Variants in SPAG17 observed in about 807,000 individuals in gnomAD.
SPAG17 encodes sperm associated antigen 17.
SPAG17 carries 169 observed loss-of-function variants against 273.6 expected under a neutral mutation model. That is an observed-to-expected ratio of 0.62 (90% CI 0.55 to 0.70). The LOEUF is 0.70. Among genes scored for constraint, SPAG17 ranks in the 30% least tolerant of loss-of-function variants. SPAG17 has a pLI of 0.00. For synonymous variants in SPAG17, 825 were observed against 873.2 expected, an observed-to-expected ratio of 0.94 and a Z score of 0.97; for missense variants, 2,557 against 2,627.8, an observed-to-expected ratio of 0.97 and a Z score of 0.59.
chr1:118,054,197 C>T, intron 19 of SPAG17, 104 bp from the exon 20 acceptor site: 7 of 673,940 alleles, frequency 1.0e-5, no homozygotes, highest in Non-Finnish European at 1.5e-5. Context: ...TCAAGTTCAA[C>T]TTCTCATTTA....
chr1:117,954,669 G>A (rs2295631), intron 48 of SPAG17: 41,375 of 1,585,658 alleles, frequency 0.026, 2,081 homozygotes, highest in East Asian at 0.25. Flanking sequence ...TTATTAAAAG[G>A]TTACTTACAA....
intron 1 of SPAG17, among the ~76,000 whole-genome samples, chr1:118,177,369 A>G (rs1660743147): frequency 6.6e-6 from 1 of 152,104 alleles, no homozygotes; most frequent in African/African-American, 2.4e-5. Context: ...TTCCCTCACT[A>G]TCACAAGAAC....
intron 3 of SPAG17, among the ~76,000 whole-genome samples, chr1:118,136,807 G>C (rs866100906): frequency 1.7e-4 from 26 of 149,320 alleles, no homozygotes; most frequent in Admixed American, 4.7e-4. Flanking sequence ...GTGTATGTGT[G>C]TGTGTGTGTG....
intron 42 of SPAG17, 64 bp downstream of exon 42, chr1:117,983,747 C>G: frequency 9.3e-7 from 1 of 1,077,862 alleles, no homozygotes; most frequent in African/African-American, 1.5e-5. Context: ...TCCTAAGAGG[C>G]CACTGTTAGG....
intron 18 of SPAG17, among the ~76,000 whole-genome samples, chr1:118,062,184 C>T (rs1392156264): frequency 6.6e-6 from 1 of 151,514 alleles, no homozygotes; most frequent in East Asian, 1.9e-4. Context: ...CGGCTAAAAA[C>T]GGTGAAATCC....
In SPAG17 at chr1:118,028,291, A is replaced by G. The variant is rs746141451; in HGVS notation, c.3713T>C (p.Ile1238Thr). 1.8e-5 allele frequency: 29 copies of G among 1,613,630 alleles called. No individual in the cohort carries two copies. In the South Asian group the frequency reaches 2.0e-4, roughly 11 times the overall value. Reference sequence around the variant, plus strand: ...GCACTTACCTGTAGATTCTTGTCCAATGAAAGTCAACAGGAGCCCACTGGG... The same window carrying G: ...GCACTTACCTGTAGATTCTTGTCCAGTGAAAGTCAACAGGAGCCCACTGGG... Reference protein sequence around the residue: ...SCPSGLLLTFIGQESTGQYVI... With the variant: ...SCPSGLLLTFTGQESTGQYVI... The change falls in exon 26 of 49, where the codon ATT (isoleucine) becomes ACT (threonine). Residue 1238 changes from isoleucine (I) to threonine (T), a missense_variant. Physicochemically the swap from Ile to Thr is moderately conservative, Grantham distance 89 (BLOSUM62 -1). Transcript: ENST00000336338.
chr1:118,123,908 T>C (rs1016166918), intron 3 of SPAG17, among the ~76,000 whole-genome samples: 4 of 152,198 alleles, frequency 2.6e-5, no homozygotes, highest in South Asian at 2.1e-4. Flanking sequence ...TTAACAGACA[T>C]GTATAATTTA....
chr1:117,971,349 C>T (rs1654531173), intron 45 of SPAG17, among the ~76,000 whole-genome samples: 1 of 152,204 alleles, frequency 6.6e-6, no homozygotes, highest in African/African-American at 2.4e-5. Flanking sequence ...AGTCTGGCCT[C>T]TGCTAGCTGA....
intron 7 of SPAG17, among the ~76,000 whole-genome samples, chr1:118,093,975 GA>G (rs1428503141): frequency 6.6e-6 from 1 of 152,198 alleles, no homozygotes; most frequent in African/African-American, 2.4e-5. Flanking sequence ...TTTGTTTCCA[GA>G]AGTAGGAAAG....
intron 48 of SPAG17, chr1:117,963,554 C>T (rs560790264): frequency 4.8e-5 from 12 of 248,578 alleles, no homozygotes; most frequent in East Asian, 1.5e-4. Flanking sequence ...TTAGTAGAGA[C>T]GGGGTTTCAC....
Position 117,983,819 on chromosome 1 carries a change from A to G in SPAG17, c.5864T>C (p.Leu1955Pro), listed in dbSNP as rs1376335351. Residue 1955 changes from leucine (L) to proline (P), a missense_variant, in exon 42 of 49, where the codon CTT becomes CCT. By Grantham distance (98) the Leu-to-Pro change is moderately conservative (BLOSUM62 -3). Transcript: ENST00000336338. ...NETAVQDTSD[L>P]NLDFKPHKVS... is the part of the protein sequence containing the mutation. Reference sequence around the variant, plus strand: ...CTATGCTAACATATTACCTAGATTAAGATCAGATGTATCTTGAACAGCTGT... The same window carrying G: ...CTATGCTAACATATTACCTAGATTAGGATCAGATGTATCTTGAACAGCTGT... 2 of 1,604,746 alleles carry G rather than the reference A, an allele frequency of 1.2e-6. No individual in the cohort carries two copies. The highest frequency in any genetic ancestry group is 1.7e-6 in the Non-Finnish European group (2 of 1,173,508).
Position 118,177,485 on chromosome 1 carries a change from C to T in SPAG17, c.87+7586G>A, listed in dbSNP as rs189131122. Among the ~76,000 whole-genome samples the T allele has an allele frequency of 2.5e-4, 38 of 152,164 alleles. 1 individual carries two copies. In the East Asian group the frequency reaches 7.1e-3, roughly 29 times the overall value. On this transcript the variant is annotated intron_variant, in intron 1 of 48. Coordinates refer to ENST00000336338, the MANE Select transcript of SPAG17 (RefSeq NM_206996.4). ...TCAAGGTGAGATTTGGTTAGGGACT[C>T]AGATCCAAACCATATCAGTCATGCA... is the stretch of plus-strand genomic sequence containing the variant.
chr1:118,097,591 A>G, intron 7 of SPAG17, 79 bp downstream of exon 7: 1 of 1,166,182 alleles, frequency 8.6e-7, no homozygotes, highest in Non-Finnish European at 1.2e-6. Context: ...GTAACTATCT[A>G]TGTGATGAAT....
chr1:118,159,665 T>C (rs1659816340), intron 1 of SPAG17, among the ~76,000 whole-genome samples: 1 of 152,216 alleles, frequency 6.6e-6, no homozygotes, highest in Admixed American at 6.5e-5. Context: ...CTTTGTACCG[T>C]GTAGCCTCTG....
intron 1 of SPAG17, among the ~76,000 whole-genome samples, chr1:118,157,984 A>G (rs1474320144): frequency 6.6e-6 from 1 of 152,170 alleles, no homozygotes; most frequent in Non-Finnish European, 1.5e-5. Context: ...GGGAAAAAAA[A>G]TCAATCAGAA....
intron 18 of SPAG17, among the ~76,000 whole-genome samples, chr1:118,061,814 C>T (rs1281762833): frequency 2.6e-5 from 4 of 151,972 alleles, no homozygotes; most frequent in African/African-American, 9.7e-5. Context: ...ATACTTATCA[C>T]GATTTCTAAA....
chr1:118,079,264 G>A (rs899061367), intron 15 of SPAG17, among the ~76,000 whole-genome samples: 2 of 151,936 alleles, frequency 1.3e-5, no homozygotes, highest in African/African-American at 4.8e-5. Context: ...AGACTACTCA[G>A]GTTTTCTATT....
At chr1:118,134,829 A>T (rs888787667) in intron 3 of SPAG17, among the ~76,000 whole-genome samples, 1 of 152,178 alleles carries the variant, frequency 6.6e-6, no homozygotes, top group African/African-American at 2.4e-5. Context: ...CTGACTTTGC[A>T]TGGCCTGATT....
At chr1:118,111,757 A>G (rs187765077) in intron 4 of SPAG17, among the ~76,000 whole-genome samples, 38 of 152,210 alleles carry the variant, frequency 2.5e-4, no homozygotes, top group African/African-American at 8.4e-4. Flanking sequence ...GGCACTTTTA[A>G]TTTTGAATTG....
Sources: allele counts gnomAD v4.1 joint callset (sites outside exome capture counted in the v4.1 genomes callset), GRCh38; gene constraint gnomAD v4.1.1; transcripts MANE v1.5; gene names NCBI Gene and HGNC (gene_info 2026-07-23, HGNC 2026-07-21).